IGF1R: variants seen among roughly 807,000 people sequenced by gnomAD.
IGF1R encodes the protein insulin-like growth factor 1 receptor.
A neutral mutation model predicts 144.6 loss-of-function variants in IGF1R; 44 were observed. That is an observed-to-expected ratio of 0.30 (90% CI 0.24 to 0.39). IGF1R has a LOEUF of 0.39. Ranked by LOEUF, IGF1R falls within the 10% of genes least tolerant of loss-of-function variation. The probability of loss-of-function intolerance (pLI) is 1.00; values close to 1 mark genes in which losing one functional copy is unlikely to be tolerated. For missense variants in IGF1R, 1,355 were observed against 1,833.7 expected (o/e 0.74, Z 4.77); for synonymous variants, 795 against 722.8 (o/e 1.10, Z -1.60).
chr15:98,891,263 G>A lies in IGF1R; in HGVS notation c.641-62G>A, dbSNP rs766585342. On this transcript the variant is annotated intron_variant, in intron 2 of 20. Coordinates refer to ENST00000650285, the MANE Select transcript of IGF1R (RefSeq NM_000875.5). The surrounding 1 kb of genome is among the most constrained non-coding windows in gnomAD (Gnocchi z 4.7). ...AATGACCCAGAAGGATGCTGGCCAG[G>A]CCCAGAGAAGGCGGTGCCTCCCCTG... 9.0e-5 allele frequency: 136 copies of A among 1,510,676 alleles called. No homozygotes were observed. Among genetic ancestry groups the A allele is most frequent in the Non-Finnish European group, 1.2e-4 (134 of 1,106,550 alleles). 93.6% of individuals were successfully genotyped at this position (1,510,676 alleles called of 1,614,324 possible).
chr15:98,694,676 G>T (rs531293242), intron 1 of IGF1R, among the ~76,000 whole-genome samples: 1 of 152,240 alleles, frequency 6.6e-6, no homozygotes, highest in South Asian at 2.1e-4. Context: ...ACTGGAACTT[G>T]TAAAAGAGAA....
rs61433682 is a variant in IGF1R, at chr15:98,704,062, G to A, written c.95-3500G>A. ...ACACACAGTTAATTTAGTGTCCCCA[G>A]GGGAAAAAAGACCCTCCCGGCCCCC... is the stretch of plus-strand genomic sequence containing the variant. On this transcript the variant is annotated intron_variant, in intron 1 of 20. Coordinates refer to ENST00000650285, the MANE Select transcript of IGF1R (RefSeq NM_000875.5). The surrounding 1 kb of genome is among the most constrained non-coding windows in gnomAD (Gnocchi z 4.9). Among the ~76,000 whole-genome samples the A allele has an allele frequency of 0.052, 3,338 of 63,642 alleles. 47 individuals are homozygous for A. The highest frequency in any genetic ancestry group is 0.082 in the African/African-American group (1,340 of 16,372). 41.8% of individuals were successfully genotyped at this position (63,642 alleles called of 152,430 possible).
chr15:98,875,583 C>A (rs2013021996), intron 2 of IGF1R, among the ~76,000 whole-genome samples: 1 of 151,756 alleles, frequency 6.6e-6, no homozygotes, highest in Admixed American at 6.6e-5. Flanking sequence ...GTGTTCAGAC[C>A]AAGGATGGAA....
chr15:98,941,444 A>AT (rs890924833), intron 18 of IGF1R, among the ~76,000 whole-genome samples: 93 of 151,966 alleles, frequency 6.1e-4, no homozygotes, highest in Middle Eastern at 3.4e-3. Context: ...ATTTATAGTG[A>AT]TTTTTTTTGT....
intron 4 of IGF1R, chr15:98,897,612 T>A (rs1012216005): frequency 6.5e-6 from 1 of 152,996 alleles, no homozygotes; most frequent in African/African-American, 2.4e-5. Context: ...GGTCTCACTG[T>A]ATCACCCAGG....
intron 2 of IGF1R, among the ~76,000 whole-genome samples, chr15:98,771,360 C>A (rs2055579587): frequency 6.6e-6 from 1 of 152,128 alleles, no homozygotes; most frequent in South Asian, 2.1e-4. Flanking sequence ...CCTTCTGGTA[C>A]CCATTCCACC....
chr15:98,940,602 A>G (rs934095756), intron 18 of IGF1R, among the ~76,000 whole-genome samples: 2 of 151,824 alleles, frequency 1.3e-5, no homozygotes, highest in Admixed American at 1.3e-4. Context: ...ACAGGTTTTC[A>G]TCATGTTAGC....
At chr15:98,889,544 C>A (rs2013805461) in intron 2 of IGF1R, among the ~76,000 whole-genome samples, 1 of 152,210 alleles carries the variant, frequency 6.6e-6, no homozygotes. Flanking sequence ...ATGATACATT[C>A]CACAATGGAG....
chr15:98,690,579 A>G (rs2053452244), intron 1 of IGF1R, among the ~76,000 whole-genome samples: 1 of 152,272 alleles, frequency 6.6e-6, no homozygotes, highest in Non-Finnish European at 1.5e-5. Flanking sequence ...CCTATAGCAG[A>G]ATGATCTTTG....
At chr15:98,897,535 T>G (rs1012928644) in intron 4 of IGF1R, 5 of 154,154 alleles carry the variant, frequency 3.2e-5, no homozygotes, top group African/African-American at 1.2e-4. Context: ...TCCCACTGAC[T>G]TAGCCTATGA....
chr15:98,806,646 ACTGCCAGGGAGAGATCC>A (rs1402155024), intron 2 of IGF1R, among the ~76,000 whole-genome samples: 1 of 152,230 alleles, frequency 6.6e-6, no homozygotes, highest in East Asian at 1.9e-4. Flanking sequence ...AGAGAAGCTG[ACTGCCAGGGAGAGATCC>A]CTTTTTCCTA....
In IGF1R at chr15:98,951,829, G is replaced by A. The variant is rs540172191; in HGVS notation, c.3722+3121G>A. On this transcript the variant is annotated intron_variant, in intron 20 of 20. Transcript: ENST00000650285. ...CGGCTAAAAAAATGTTTTTGGCTCTGTGGGCCCATACGACCTTGACTGTGA... is the reference window on the plus strand; with the variant it reads ...CGGCTAAAAAAATGTTTTTGGCTCTATGGGCCCATACGACCTTGACTGTGA... Among the ~76,000 whole-genome samples the A allele has an allele frequency of 3.1e-3, 475 of 152,334 alleles. 3 individuals carry two copies. Among genetic ancestry groups the A allele is most frequent in the African/African-American group, 7.8e-3 (323 of 41,570 alleles).
intron 2 of IGF1R, among the ~76,000 whole-genome samples, chr15:98,886,065 G>T (rs755678247): frequency 6.6e-6 from 1 of 152,054 alleles, no homozygotes; most frequent in African/African-American, 2.4e-5. Context: ...TGATCTGCCC[G>T]CCTCGGCCTC....
chr15:98,649,800 G>A, intron 1 of IGF1R, 125 bp downstream of exon 1: 2 of 705,924 alleles, frequency 2.8e-6, no homozygotes, highest in South Asian at 3.3e-5. Context: ...GAGCGGCGGG[G>A]TGGGGCGCAG....
intron 5 of IGF1R, among the ~76,000 whole-genome samples, chr15:98,907,861 C>T (rs571539933): frequency 6.6e-6 from 1 of 152,350 alleles, no homozygotes; most frequent in African/African-American, 2.4e-5. Flanking sequence ...AACTCAGCCT[C>T]TCCTAGATTG....
intron 1 of IGF1R, among the ~76,000 whole-genome samples, chr15:98,692,724 A>C (rs2053506075): frequency 1.3e-5 from 2 of 152,144 alleles, no homozygotes; most frequent in East Asian, 3.9e-4. Context: ...CGCAACAACT[A>C]CCTGAGATAA....
chr15:98,901,985 G>A (rs533121223), intron 5 of IGF1R, among the ~76,000 whole-genome samples: 2 of 152,324 alleles, frequency 1.3e-5, no homozygotes, highest in African/African-American at 2.4e-5. Flanking sequence ...ACCATGGAAC[G>A]TATTCAAGGC....
At chr15:98,943,876 ACAT>A (rs889056107) in intron 19 of IGF1R, among the ~76,000 whole-genome samples, 3 of 152,152 alleles carry the variant, frequency 2.0e-5, no homozygotes, top group African/African-American at 4.8e-5. Context: ...ATAGTGACTG[ACAT>A]CATTTTTTTT....
chr15:98,809,866 A>C (rs979720360), intron 2 of IGF1R, among the ~76,000 whole-genome samples: 5 of 151,920 alleles, frequency 3.3e-5, no homozygotes, highest in Non-Finnish European at 7.4e-5. Context: ...TTGTGTTCTG[A>C]TGATAGAATG....
Sources: allele counts gnomAD v4.1 joint callset (sites outside exome capture counted in the v4.1 genomes callset), GRCh38; gene constraint gnomAD v4.1.1; non-coding constraint Gnocchi (gnomAD v3.1); transcripts MANE v1.5; gene names NCBI Gene and HGNC (gene_info 2026-07-23, HGNC 2026-07-21).